JMJD1C: variants seen among roughly 807,000 people sequenced by gnomAD.
JMJD1C encodes jumonji domain-containing protein 1C.
In JMJD1C, 31 loss-of-function variants were observed where a neutral mutation model predicts 245.3. That is an observed-to-expected ratio of 0.13 (90% confidence interval 0.09 to 0.17). The LOEUF (loss-of-function observed/expected upper bound fraction) is 0.17, where lower values mean the gene tolerates loss of function less well. Ranked by LOEUF, JMJD1C falls within the 10% of genes least tolerant of loss-of-function variation. The pLI, the probability that JMJD1C is intolerant of heterozygous loss-of-function variation, is 1.00. For synonymous variants in JMJD1C, 1,057 were observed against 1,017.4 expected (o/e 1.04, Z -0.74); for missense variants, 2,691 against 3,000.2 (o/e 0.90, Z 2.41).
intron 2 of JMJD1C, among the ~76,000 whole-genome samples, chr10:63,285,550 G>C (rs1857886894): frequency 6.6e-6 from 1 of 152,142 alleles, no homozygotes. Flanking sequence ...CGGGCAGAGT[G>C]GCTGAAGCCT....
At chr10:63,359,699 T>C (rs1945160738) in intron 2 of JMJD1C, among the ~76,000 whole-genome samples, 1 of 152,222 alleles carries the variant, frequency 6.6e-6, no homozygotes, top group African/African-American at 2.4e-5. Context: ...TCCTCCTGTT[T>C]CATGAAATCA....
intron 3 of JMJD1C, among the ~76,000 whole-genome samples, chr10:63,245,781 C>T (rs907548453): frequency 3.9e-5 from 6 of 152,142 alleles, no homozygotes; most frequent in Non-Finnish European, 2.9e-5. Context: ...CCAGCCCGGC[C>T]GGGAACTCCT....
intron 17 of JMJD1C, among the ~76,000 whole-genome samples, chr10:63,190,331 G>A (rs1844633893): frequency 6.6e-6 from 1 of 151,906 alleles, no homozygotes; most frequent in African/African-American, 2.4e-5. Flanking sequence ...AGCCTCCCAA[G>A]TAGCTGGGAT....
intron 1 of JMJD1C, among the ~76,000 whole-genome samples, chr10:63,451,968 G>A (rs1235418727): frequency 1.3e-5 from 2 of 152,230 alleles, no homozygotes; most frequent in African/African-American, 4.8e-5. Context: ...TAAATCAAGA[G>A]CTGAAACTAT....
chr10:63,189,956 T>C (rs1017593151), intron 17 of JMJD1C, among the ~76,000 whole-genome samples: 7 of 151,352 alleles, frequency 4.6e-5, no homozygotes, highest in African/African-American at 1.7e-4. Flanking sequence ...AGTGGTGTGA[T>C]CTCAGCTCAC....
chr10:63,490,937 T>C (rs1462556297), intron 1 of JMJD1C, among the ~76,000 whole-genome samples: 2 of 152,240 alleles, frequency 1.3e-5, no homozygotes, highest in Non-Finnish European at 2.9e-5. Context: ...GCACCTACCA[T>C]GCACGAAGCA....
chr10:63,167,863 T>C lies in JMJD1C; in HGVS notation c.*182A>G, dbSNP rs114230292. Reference sequence around the variant, plus strand: ...TTAAAATTCTGCTTGTTTTATAACATTGAATCACAGGAGCTGTGACATATG... The same window carrying C: ...TTAAAATTCTGCTTGTTTTATAACACTGAATCACAGGAGCTGTGACATATG... On this transcript the variant is annotated 3_prime_UTR_variant, in exon 26 of 26. Transcript: ENST00000399262. 14 of 510,690 alleles carry C rather than the reference T, an allele frequency of 2.7e-5. No individual in the cohort carries two copies. The highest frequency in any genetic ancestry group is 1.7e-4 in the African/African-American group (9 of 52,732). 31.6% of individuals were successfully genotyped at this position (510,690 alleles called of 1,614,324 possible). A position where few individuals can be genotyped will look rare whatever the true frequency, so the allele number is the denominator to read the frequency against.
chr10:63,337,520 G>C lies in JMJD1C; in HGVS notation c.333+42798C>G, dbSNP rs546791319. Reference sequence around the variant, plus strand: ...AGAGAAAAGAGAAGGGAGGAGAAGGGAGGGGAAGGGAGGGGAGGGGAGGAG... The same window carrying C: ...AGAGAAAAGAGAAGGGAGGAGAAGGCAGGGGAAGGGAGGGGAGGGGAGGAG... On this transcript the variant is annotated intron_variant, in intron 2 of 25. Coordinates refer to ENST00000399262, the MANE Select transcript of JMJD1C (RefSeq NM_032776.3). 1.5e-3 allele frequency among the ~76,000 whole-genome samples: 117 copies of C among 77,812 alleles called. 9 individuals carry two copies. Among genetic ancestry groups the C allele is most frequent in the East Asian group, 1.1e-3 (3 of 2,814 alleles). 51.0% of individuals were successfully genotyped at this position (77,812 alleles called of 152,430 possible).
At chr10:63,427,638 C>G in intron 1 of JMJD1C, 1 of 1,345,408 alleles carries the variant, frequency 7.4e-7, no homozygotes, top group South Asian at 1.2e-5. Flanking sequence ...AGTGTGTTTA[C>G]TGTATGAACT....
rs192614460 is a variant in JMJD1C at position 63,306,567 on chromosome 10, A to G, written c.334-41803T>C. Among the ~76,000 whole-genome samples the G allele has an allele frequency of 3.9e-5, 6 of 152,320 alleles. No individual in the cohort carries two copies. The East Asian group carries it at 1.2e-3, about 29-fold the overall frequency. ...GTATGACTGTGACATCACTTAAACA[A>G]ATTTAATTTTAAAAAGTGTATATAT... On this transcript the variant is annotated intron_variant, in intron 2 of 25. Transcript: ENST00000399262.
intron 2 of JMJD1C, among the ~76,000 whole-genome samples, chr10:63,289,405 G>C (rs1043575056): frequency 1.4e-4 from 22 of 152,250 alleles, no homozygotes; most frequent in African/African-American, 4.8e-4. Flanking sequence ...CTTGTGATCT[G>C]AAATGAATGA....
At chr10:63,499,426 T>C (rs1317570009) in intron 1 of JMJD1C, among the ~76,000 whole-genome samples, 1 of 152,268 alleles carries the variant, frequency 6.6e-6, no homozygotes, top group African/African-American at 2.4e-5. Flanking sequence ...GCTTTGCCTT[T>C]GGTGACCTGC....
rs547740135 is a variant in JMJD1C, at chr10:63,299,535, GTTAA to G, written c.334-34775_334-34772del. ...TTCTCAGCAAGACCATTTAAAAATG[GTTAA>G]TTAACAACAAAACAGAGCTCACCTA... is the stretch of plus-strand genomic sequence containing the variant. On this transcript the variant is annotated intron_variant, in intron 2 of 25. Coordinates refer to ENST00000399262, the MANE Select transcript of JMJD1C (RefSeq NM_032776.3). 4.9e-3 allele frequency among the ~76,000 whole-genome samples: 747 copies of G among 152,074 alleles called. 5 individuals carry two copies. The highest frequency in any genetic ancestry group is 0.016 in the African/African-American group (660 of 41,490).
chr10:63,335,839 G>T (rs1942670185), intron 2 of JMJD1C, among the ~76,000 whole-genome samples: 1 of 151,560 alleles, frequency 6.6e-6, no homozygotes, highest in Admixed American at 6.6e-5. Flanking sequence ...AAAACACTTT[G>T]GCTGGGCACC....
intron 1 of JMJD1C, among the ~76,000 whole-genome samples, chr10:63,515,119 A>T (rs78556386): frequency 0.013 from 2,020 of 152,112 alleles, 31 homozygotes; most frequent in African/African-American, 0.034. Flanking sequence ...CCTCCCTTCA[A>T]ATGGAACAGG....
intron 11 of JMJD1C, among the ~76,000 whole-genome samples, chr10:63,199,134 TA>T (rs1202851555): frequency 6.6e-6 from 1 of 152,168 alleles, no homozygotes; most frequent in Admixed American, 6.5e-5. Flanking sequence ...AGGAGGACTT[TA>T]AAAATGCCAA....
intron 2 of JMJD1C, among the ~76,000 whole-genome samples, chr10:63,340,103 T>C (rs533971960): frequency 3.3e-5 from 5 of 152,094 alleles, no homozygotes; most frequent in Non-Finnish European, 7.4e-5. Context: ...AGGTTGGGCA[T>C]CCCTAATCTG....
chr10:63,426,046 T>C (rs1233597999), intron 1 of JMJD1C, among the ~76,000 whole-genome samples: 2 of 152,178 alleles, frequency 1.3e-5, no homozygotes, highest in African/African-American at 2.4e-5. Context: ...ATATTTATTT[T>C]TCGGTAAGAT....
chr10:63,181,709 A>G (rs996776956), intron 22 of JMJD1C, among the ~76,000 whole-genome samples: 1 of 152,236 alleles, frequency 6.6e-6, no homozygotes, highest in Non-Finnish European at 1.5e-5. Flanking sequence ...ATAAACAAAG[A>G]TGAGGAAGAA....
Sources: gnomAD v4.1 joint callset for allele counts (sites outside exome capture counted in the v4.1 genomes callset) on GRCh38, gnomAD v4.1.1 for gene constraint, MANE v1.5 for transcripts, NCBI Gene and HGNC (gene_info 2026-07-23, HGNC 2026-07-21) for gene names.